The following RNLS variants were observed in gnomAD, a reference collection of about 807,000 sequenced individuals.
RNLS encodes the protein renalase.
RNLS carries 39 observed loss-of-function variants against 39.8 expected under a neutral mutation model. That is an observed-to-expected ratio of 0.98 (90% CI 0.76 to 1.28). RNLS has a LOEUF of 1.28. Among genes scored for constraint, RNLS ranks in the 50% most tolerant of loss-of-function variants. The pLI, the probability that RNLS is intolerant of heterozygous loss-of-function variation, is 0.00. For synonymous variants in RNLS, 147 were observed against 150.7 expected (o/e 0.98, Z 0.18); for missense variants, 410 against 413.3 (o/e 0.99, Z 0.07).
chr10:88,218,405 G>A, the RNLS span, among the ~76,000 whole-genome samples: 48 of 152,252 alleles, frequency 3.2e-4, no homozygotes, highest in African/African-American at 1.1e-3. Context: ...GGCTGCCGGG[G>A]ATGTGGGCTG....
At chr10:88,512,331 T>A (rs1460330788) in intron 4 of RNLS, among the ~76,000 whole-genome samples, 1 of 152,072 alleles carries the variant, frequency 6.6e-6, no homozygotes, top group Non-Finnish European at 1.5e-5. Flanking sequence ...CTCTGTGTAG[T>A]TCTATTTGGT....
chr10:88,174,040 C>A, the RNLS span, among the ~76,000 whole-genome samples: 2 of 149,476 alleles, frequency 1.3e-5, no homozygotes, highest in African/African-American at 4.9e-5. Flanking sequence ...TTCTTAATTT[C>A]TTTTTCAGCT....
chr10:88,292,959 G>A (rs977086573), intron 6 of RNLS, among the ~76,000 whole-genome samples: 3 of 152,148 alleles, frequency 2.0e-5, no homozygotes, highest in African/African-American at 7.2e-5. Context: ...GCTGAGGCAG[G>A]AGAATGGCTT....
chr10:88,180,921 A>G, the RNLS span, among the ~76,000 whole-genome samples: 2 of 152,196 alleles, frequency 1.3e-5, no homozygotes, highest in Non-Finnish European at 1.5e-5. Context: ...TTTTAACACA[A>G]TCACTTTTAC....
intron 4 of RNLS, among the ~76,000 whole-genome samples, chr10:88,371,130 T>C (rs1850527248): frequency 6.6e-6 from 1 of 152,108 alleles, no homozygotes; most frequent in Non-Finnish European, 1.5e-5. Context: ...CCTCTAAGCA[T>C]CTGTTTTCCT....
chr10:88,384,457 C>T (rs1483402638), intron 4 of RNLS, among the ~76,000 whole-genome samples: 1 of 152,186 alleles, frequency 6.6e-6, no homozygotes, highest in Non-Finnish European at 1.5e-5. Context: ...GCCACACAAC[C>T]TAGGCTTTGC....
chr10:88,365,354 G>T (rs1849982247), intron 4 of RNLS, among the ~76,000 whole-genome samples: 1 of 138,496 alleles, frequency 7.2e-6, no homozygotes, highest in Non-Finnish European at 1.5e-5. Flanking sequence ...CCAGCCCTAG[G>T]TCCCACATAT....
At chr10:88,538,448 A>T (rs951524509) in intron 4 of RNLS, among the ~76,000 whole-genome samples, 1 of 152,162 alleles carries the variant, frequency 6.6e-6, no homozygotes, top group Non-Finnish European at 1.5e-5. Flanking sequence ...GTTGTATCTG[A>T]TCACCATTTA....
At chr10:88,409,762 G>A (rs1052829488) in intron 4 of RNLS, among the ~76,000 whole-genome samples, 2 of 152,020 alleles carry the variant, frequency 1.3e-5, no homozygotes, top group Non-Finnish European at 2.9e-5. Context: ...CTGATGACTG[G>A]CAACTTTTGT....
At chr10:88,187,691 T>G in the RNLS span, among the ~76,000 whole-genome samples, 8 of 149,772 alleles carry the variant, frequency 5.3e-5, no homozygotes, top group Non-Finnish European at 1.2e-4. Context: ...ACCACTGAGA[T>G]TTAGGGAAGT....
chr10:88,573,904 G>A (rs1368876174), intron 3 of RNLS, among the ~76,000 whole-genome samples: 3 of 152,166 alleles, frequency 2.0e-5, no homozygotes, highest in Non-Finnish European at 2.9e-5. Context: ...ACTTTGGGAG[G>A]CTGAAGTGGG....
At chr10:88,578,662 T>TTTTAA (rs1850350128) in intron 3 of RNLS, among the ~76,000 whole-genome samples, 1 of 152,152 alleles carries the variant, frequency 6.6e-6, no homozygotes, top group South Asian at 2.1e-4. Flanking sequence ...AACATTTATA[T>TTTTAA]CACTCTACCT....
chr10:88,433,147 T>C (rs1223082621), intron 4 of RNLS, among the ~76,000 whole-genome samples: 1 of 152,030 alleles, frequency 6.6e-6, no homozygotes, highest in East Asian at 1.9e-4. Flanking sequence ...CTGTGATTTT[T>C]TGCTGGATAT....
intron 4 of RNLS, among the ~76,000 whole-genome samples, chr10:88,550,328 A>C (rs569958459): frequency 2.0e-5 from 3 of 152,282 alleles, no homozygotes; most frequent in Admixed American, 1.3e-4. Flanking sequence ...ACTTATGTAG[A>C]TATTAGGTGA....
the RNLS span, among the ~76,000 whole-genome samples, chr10:88,175,383 G>C: frequency 6.6e-6 from 1 of 152,032 alleles, no homozygotes; most frequent in Non-Finnish European, 1.5e-5. Flanking sequence ...GGCATTTACT[G>C]CTATAAAATT....
rs137953080 is a variant in RNLS, at chr10:88,360,467, C to T, written c.700+2085G>A. ...TATTATTTTTTGAGATGGAGTCTTG[C>T]ACTGTCACCCAGGCTGGTGTGCAGT... On this transcript the variant is annotated intron_variant, in intron 5 of 6. Coordinates refer to ENST00000331772, the MANE Select transcript of RNLS (RefSeq NM_001031709.3). Among the ~76,000 whole-genome samples the T allele has an allele frequency of 7.4e-4, 113 of 152,268 alleles. 1 individual carries two copies. In the East Asian group the frequency reaches 0.022, roughly 29 times the overall value.
chr10:88,416,116 A>G (rs1854008309), intron 4 of RNLS, among the ~76,000 whole-genome samples: 1 of 151,774 alleles, frequency 6.6e-6, no homozygotes, highest in South Asian at 2.1e-4. Flanking sequence ...GGAGAATACT[A>G]TACAATGAAT....
chr10:88,302,929 A>G (rs1350910010), intron 6 of RNLS, among the ~76,000 whole-genome samples: 5 of 152,344 alleles, frequency 3.3e-5, no homozygotes, highest in Admixed American at 6.5e-5. Context: ...CTGAGGGACC[A>G]AGACAACTGA....
In RNLS at chr10:88,437,309, A is replaced by G. The variant is rs560004411; in HGVS notation, c.527-74584T>C. ...TCATTAACATTTGCTTGCAGAAAAG[A>G]TATCAATAAAAGATTGCATTTAATG... On this transcript the variant is annotated intron_variant, in intron 4 of 6. Coordinates refer to ENST00000331772, the MANE Select transcript of RNLS (RefSeq NM_001031709.3). 5.3e-5 allele frequency among the ~76,000 whole-genome samples: 8 copies of G among 152,330 alleles called. No individual in the cohort carries two copies. The South Asian group carries it at 1.7e-3, about 32-fold the overall frequency.
Sources: allele counts gnomAD v4.1 joint callset (sites outside exome capture counted in the v4.1 genomes callset), GRCh38; gene constraint gnomAD v4.1.1; transcripts MANE v1.5; gene names NCBI Gene and HGNC (gene_info 2026-07-23, HGNC 2026-07-21).